Variants in SHC3 observed in about 807,000 individuals in gnomAD.
The protein encoded by SHC3 is SHC-transforming protein 3.
In SHC3, 15 loss-of-function variants were observed where a neutral mutation model predicts 60.4. The observed-to-expected ratio is 0.25, with a 90% CI of 0.17 to 0.38. The LOEUF is 0.38. SHC3 is among the 10% of genes least tolerant of loss of function. The pLI is 1.00. For synonymous variants in SHC3, 294 were observed against 325.9 expected (o/e 0.90, Z 1.05); for missense variants, 677 against 786.1 (o/e 0.86, Z 1.66).
rs1678334572 is a variant in SHC3, at chr9:89,063,095, AC to A, written c.835+2433del. Among the ~76,000 whole-genome samples, 14 of 152,312 alleles carry A rather than the reference AC, an allele frequency of 9.2e-5. 2 individuals are homozygous for A. The highest frequency in any genetic ancestry group is 7.8e-4 in the Admixed American group (12 of 15,306). On this transcript the variant is annotated intron_variant, in intron 6 of 11. Coordinates refer to ENST00000375835, the MANE Select transcript of SHC3 (RefSeq NM_016848.6). The stretch of plus-strand genomic sequence containing the variant: ...CCTTGACATTCTTTCCTTGAAGGGT[AC>A]ATGTGGCTTCCTTCCCCCTTGAGTC...
intron 1 of SHC3, among the ~76,000 whole-genome samples, chr9:89,132,461 A>C (rs1278158835): frequency 6.6e-6 from 1 of 152,216 alleles, no homozygotes; most frequent in Admixed American, 6.5e-5. Flanking sequence ...AGACAATCCT[A>C]AGCCAAAAGA....
At chr9:89,146,104 A>G (rs1265024056) in intron 1 of SHC3, among the ~76,000 whole-genome samples, 2 of 152,086 alleles carry the variant, frequency 1.3e-5, no homozygotes, top group African/African-American at 4.8e-5. Context: ...TCAGATTCAA[A>G]AAGGTGACCT....
chr9:89,124,291 G>A (rs1431809276), intron 1 of SHC3, among the ~76,000 whole-genome samples: 2 of 152,168 alleles, frequency 1.3e-5, no homozygotes, highest in African/African-American at 4.8e-5. Context: ...GATTCCTCAA[G>A]GATCTAGAAC....
chr9:89,107,466 C>T (rs1412236957), intron 2 of SHC3, among the ~76,000 whole-genome samples: 1 of 152,218 alleles, frequency 6.6e-6, no homozygotes, highest in Non-Finnish European at 1.5e-5. Context: ...AGTAATAGTG[C>T]AGAAGTGAAG....
At chr9:89,135,325 C>T (rs1334405992) in intron 1 of SHC3, among the ~76,000 whole-genome samples, 1 of 151,972 alleles carries the variant, frequency 6.6e-6, no homozygotes, top group Non-Finnish European at 1.5e-5. Flanking sequence ...GGCTGAGAAG[C>T]CCCAAGTTTT....
rs1012448419 is a variant in SHC3, at chr9:89,018,664, G to A, written c.1657-5089C>T. Among the ~76,000 whole-genome samples the A allele has an allele frequency of 2.7e-5, 4 of 149,372 alleles. No homozygotes were observed. In the East Asian group the frequency reaches 7.8e-4, roughly 29 times the overall value. On this transcript the variant is annotated intron_variant, in intron 11 of 11. Transcript: ENST00000375835. ...AAAATGTTATTTAAAAAAAACTCTT[G>A]ATAAAGTAGTTTTTTTTTCTTTCTT...
At chr9:89,074,244 T>C (rs75226655) in intron 4 of SHC3, among the ~76,000 whole-genome samples, 2,773 of 152,214 alleles carry the variant, frequency 0.018, 25 homozygotes, top group South Asian at 0.034. Flanking sequence ...GCATCCCTGG[T>C]GACAATGTCG....
At chr9:89,024,843 A>C (rs1446517921) in intron 11 of SHC3, among the ~76,000 whole-genome samples, 1 of 152,104 alleles carries the variant, frequency 6.6e-6, no homozygotes, top group Non-Finnish European at 1.5e-5. Context: ...GGTCAGGAGG[A>C]AGAGGCAGCT....
chr9:89,040,253 A>ATTGTCACC (rs1564093106), intron 10 of SHC3, among the ~76,000 whole-genome samples: 6 of 1,750 alleles, frequency 3.4e-3, no homozygotes, highest in South Asian at 0.019. Context: ...CCACCATCAA[A>ATTGTCACC]ATTACCATCA....
At chr9:89,063,233 G>A (rs935791992) in intron 6 of SHC3, among the ~76,000 whole-genome samples, 2 of 152,110 alleles carry the variant, frequency 1.3e-5, no homozygotes, top group Non-Finnish European at 2.9e-5. Flanking sequence ...AGGTTCAAGC[G>A]ATTCTTCTGC....
intron 1 of SHC3, among the ~76,000 whole-genome samples, chr9:89,128,971 G>A (rs985141958): frequency 7.2e-5 from 11 of 152,142 alleles, no homozygotes; most frequent in African/African-American, 2.2e-4. Flanking sequence ...GCTAAAGGAG[G>A]ATGTTCGAAC....
intron 1 of SHC3, among the ~76,000 whole-genome samples, chr9:89,165,597 C>A (rs1032055593): frequency 6.8e-6 from 1 of 147,858 alleles, no homozygotes; most frequent in Admixed American, 6.7e-5. Flanking sequence ...AAACTTGAAA[C>A]CCTTTAGAGG....
chr9:89,047,125 A>C, intron 7 of SHC3, 131 bp from the exon 8 acceptor site: 15 of 819,616 alleles, frequency 1.8e-5, no homozygotes, highest in East Asian at 3.0e-5. Context: ...TCCAGGTCTC[A>C]TGCATAGATG....
intron 2 of SHC3, among the ~76,000 whole-genome samples, chr9:89,092,530 T>C (rs980304187): frequency 1.2e-4 from 18 of 145,686 alleles, no homozygotes; most frequent in Admixed American, 7.9e-4. Context: ...GGCAGGAGAA[T>C]GGTGTGAACC....
Position 89,172,458 on chromosome 9 carries a change from C to A in SHC3, c.474+5529G>T, listed in dbSNP as rs534126818. The stretch of plus-strand genomic sequence containing the variant: ...AATGAGTAATTATGAACTTGTAAGA[C>A]CAAAACCAACTTGTAAGGCATATTG... On this transcript the variant is annotated intron_variant, in intron 1 of 11. Transcript: ENST00000375835. Among the ~76,000 whole-genome samples the A allele has an allele frequency of 1.2e-4, 19 of 152,014 alleles. 1 individual carries two copies. In the South Asian group the frequency reaches 3.7e-3, roughly 30 times the overall value.
chr9:89,166,316 C>T (rs923920246), intron 1 of SHC3, among the ~76,000 whole-genome samples: 1 of 152,198 alleles, frequency 6.6e-6, no homozygotes, highest in African/African-American at 2.4e-5. Flanking sequence ...AAATCCACCA[C>T]TCTATCCCCA....
chr9:89,131,657 C>G (rs140245214), intron 1 of SHC3, among the ~76,000 whole-genome samples: 5 of 152,094 alleles, frequency 3.3e-5, no homozygotes, highest in Non-Finnish European at 5.9e-5. Flanking sequence ...TAGACAAAAA[C>G]CACATGATTA....
At chr9:89,071,377 AAAT>A (rs1825268794) in intron 4 of SHC3, 125 bp from the exon 5 acceptor site, 1 of 874,620 alleles carries the variant, frequency 1.1e-6, no homozygotes, top group Non-Finnish European at 1.8e-6. Context: ...ATCTATATAA[AAAT>A]AATGATTATA....
intron 7 of SHC3, among the ~76,000 whole-genome samples, 165 bp downstream of exon 7, chr9:89,051,872 G>C (rs1410435303): frequency 6.6e-6 from 1 of 152,210 alleles, no homozygotes; most frequent in African/African-American, 2.4e-5. Context: ...GCTTCCATCT[G>C]TTGGCTTTCT....
Sources: allele counts gnomAD v4.1 joint callset (sites outside exome capture counted in the v4.1 genomes callset), GRCh38; gene constraint gnomAD v4.1.1; transcripts MANE v1.5; gene names NCBI Gene and HGNC (gene_info 2026-07-23, HGNC 2026-07-21).